CDH4: variants seen among roughly 807,000 people sequenced by gnomAD.
CDH4 encodes cadherin-4.
In CDH4, 33 loss-of-function variants were observed where a neutral mutation model predicts 86.0. The observed-to-expected ratio is 0.38, with a 90% CI of 0.29 to 0.51. CDH4 has a LOEUF of 0.51. Ranked by LOEUF, CDH4 falls within the 20% of genes least tolerant of loss-of-function variation. The pLI, the probability that CDH4 is intolerant of heterozygous loss-of-function variation, is 0.86. For missense variants in CDH4, 1,114 were observed against 1,307.4 expected (o/e 0.85, Z 2.28); for synonymous variants, 555 against 549.4 (o/e 1.01, Z -0.14).
intron 9 of CDH4, among the ~76,000 whole-genome samples, chr20:61,917,904 G>A (rs2054922581): frequency 6.6e-6 from 1 of 152,270 alleles, no homozygotes; most frequent in African/African-American, 2.4e-5. Flanking sequence ...TCAGGCTGGT[G>A]ACACGATTTT....
intron 4 of CDH4, among the ~76,000 whole-genome samples, chr20:61,820,521 A>G (rs561861430): frequency 6.6e-6 from 1 of 152,312 alleles, no homozygotes; most frequent in Non-Finnish European, 1.5e-5. Flanking sequence ...CACTCTGTCC[A>G]CACCGATCCT....
intron 2 of CDH4, among the ~76,000 whole-genome samples, chr20:61,720,891 G>A (rs1174984261): frequency 6.6e-6 from 1 of 152,148 alleles, no homozygotes; most frequent in Non-Finnish European, 1.5e-5. Context: ...TTAGCTTGGT[G>A]GCTTCCCTTG....
At chr20:61,889,791 G>A (rs946732743) in intron 7 of CDH4, among the ~76,000 whole-genome samples, 1 of 150,972 alleles carries the variant, frequency 6.6e-6, no homozygotes, top group Middle Eastern at 3.4e-3. Context: ...TGGGTGAGTG[G>A]ATGGTGGATG....
At chr20:61,281,875 A>G (rs561364059) in intron 2 of CDH4, among the ~76,000 whole-genome samples, 13 of 152,390 alleles carry the variant, frequency 8.5e-5, no homozygotes, top group African/African-American at 3.1e-4. Context: ...CTGGCTCTGC[A>G]GAGTTAGCAA....
intron 2 of CDH4, among the ~76,000 whole-genome samples, chr20:61,522,815 G>GT (rs890570138): frequency 1.3e-5 from 2 of 152,230 alleles, no homozygotes; most frequent in Non-Finnish European, 2.9e-5. Flanking sequence ...TCTCCCTTCG[G>GT]TTTTTTATTT....
chr20:61,382,449 C>T (rs946818112), intron 2 of CDH4, among the ~76,000 whole-genome samples: 2 of 152,214 alleles, frequency 1.3e-5, no homozygotes, highest in African/African-American at 2.4e-5. Context: ...AGTGGACCTC[C>T]CATGAGCAGG....
intron 2 of CDH4, among the ~76,000 whole-genome samples, chr20:61,462,667 GCTCC>G (rs906077972): frequency 6.6e-6 from 1 of 152,102 alleles, no homozygotes. Context: ...GCTCATTGGG[GCTCC>G]CCCCTCTCCC....
At chr20:61,267,595 C>T (rs938592360) in intron 2 of CDH4, among the ~76,000 whole-genome samples, 2 of 152,170 alleles carry the variant, frequency 1.3e-5, no homozygotes, top group Non-Finnish European at 2.9e-5. Flanking sequence ...AACATTTGTT[C>T]TCCACCCATT....
chr20:61,934,861 A>G (rs1299874253), intron 15 of CDH4, among the ~76,000 whole-genome samples: 1 of 152,210 alleles, frequency 6.6e-6, no homozygotes, highest in Non-Finnish European at 1.5e-5. Flanking sequence ...GACTTGACCA[A>G]CAAGCAGCAC....
chr20:61,335,241 A>G (rs2084610956), intron 2 of CDH4, among the ~76,000 whole-genome samples: 2 of 152,348 alleles, frequency 1.3e-5, no homozygotes, highest in South Asian at 4.1e-4. Flanking sequence ...CCTGTGTTCA[A>G]CATAACAGGT....
At chr20:61,858,137 C>CTGTGTG (rs1270737019) in intron 6 of CDH4, among the ~76,000 whole-genome samples, 1 of 138,920 alleles carries the variant, frequency 7.2e-6, no homozygotes, top group African/African-American at 2.7e-5. Context: ...GTGTCTGCAT[C>CTGTGTG]TGTGTGTGTG....
In CDH4 at chr20:61,834,248, T is replaced by G. The variant is rs547528627; in HGVS notation, c.577-10420T>G. Among the ~76,000 whole-genome samples, 12 of 152,280 alleles carry G rather than the reference T, an allele frequency of 7.9e-5. No individual in the cohort carries two copies. In the East Asian group the frequency reaches 2.3e-3, roughly 29 times the overall value. On this transcript the variant is annotated intron_variant, in intron 4 of 15. Coordinates refer to ENST00000614565, the MANE Select transcript of CDH4 (RefSeq NM_001794.5). ...GCTTCCTTGCTGCCCCTAAATGCCC[T>G]CCTTTGCTGCCCCTTGCCCCCCCTC...
chr20:61,489,383 C>T (rs1260225017), intron 2 of CDH4, among the ~76,000 whole-genome samples: 2 of 152,196 alleles, frequency 1.3e-5, no homozygotes, highest in East Asian at 1.9e-4. Flanking sequence ...CAAATCTACA[C>T]CTACTCTATG....
At position 61,501,785 on chromosome 20, in the gene CDH4, C is replaced by T. The variant is rs964735629; in HGVS notation, c.170-241778C>T. 2.0e-5 allele frequency among the ~76,000 whole-genome samples: 3 copies of T among 152,158 alleles called. No individual in the cohort carries two copies. Among genetic ancestry groups the T allele is most frequent in the East Asian group, 1.9e-4 (1 of 5,180 alleles). On this transcript the variant is annotated intron_variant, in intron 2 of 15. Transcript: ENST00000614565. This position sits in a 1 kb window ranked among gnomAD's most constrained non-coding sequence, Gnocchi z 4.2. ...ACTCATTATGGGACGGACCACCAGA[C>T]GCGACTAATGAAACTTTTCTGTTCT...
intron 2 of CDH4, among the ~76,000 whole-genome samples, chr20:61,381,628 C>T (rs1293897177): frequency 1.3e-5 from 2 of 152,120 alleles, no homozygotes; most frequent in Non-Finnish European, 2.9e-5. Context: ...GGGCAGTCCG[C>T]AGAATGTCCC....
At position 61,885,115 on chromosome 20, in the gene CDH4, G is replaced by A. The variant is rs778823975; in HGVS notation, c.1051-9795G>A. On this transcript the variant is annotated intron_variant, in intron 7 of 15. Coordinates refer to ENST00000614565, the MANE Select transcript of CDH4 (RefSeq NM_001794.5). ...GTCCCTCGGGCCCCTGCAAGGCAGC[G>A]GGGACTGAAGTCGACACATAGCACG... Among the ~76,000 whole-genome samples, 8 of 152,114 alleles carry A rather than the reference G, an allele frequency of 5.3e-5. No homozygotes were observed. The South Asian group carries it at 6.2e-4, about 12-fold the overall frequency.
chr20:61,920,299 C>T (rs867061523), intron 9 of CDH4, among the ~76,000 whole-genome samples: 20 of 66,882 alleles, frequency 3.0e-4, no homozygotes, highest in Middle Eastern at 0.026. Context: ...AGCATGGTAT[C>T]GTGATTGTGT....
chr20:61,257,775 G>A (rs2084107048), intron 2 of CDH4, among the ~76,000 whole-genome samples: 2 of 152,228 alleles, frequency 1.3e-5, no homozygotes, highest in Non-Finnish European at 2.9e-5. Flanking sequence ...CAGCCCGCCC[G>A]GAAGCTGCAG....
At chr20:61,432,995 C>T (rs139237605) in intron 2 of CDH4, among the ~76,000 whole-genome samples, 2,249 of 151,894 alleles carry the variant, frequency 0.015, 57 homozygotes, top group African/African-American at 0.05. Flanking sequence ...CGTGCCACCA[C>T]GCCTGGCTAA....
Sources: allele counts gnomAD v4.1 joint callset (sites outside exome capture counted in the v4.1 genomes callset), GRCh38; gene constraint gnomAD v4.1.1; non-coding constraint Gnocchi (gnomAD v3.1); transcripts MANE v1.5; gene names NCBI Gene and HGNC (gene_info 2026-07-23, HGNC 2026-07-21).